ACCSL: variants seen among roughly 807,000 people sequenced by gnomAD.
The protein encoded by ACCSL is probable inactive 1-aminocyclopropane-1-carboxylate synthase-like protein 2.
A neutral mutation model predicts 61.7 loss-of-function variants in ACCSL; 55 were observed. The ratio of observed to expected loss-of-function variants is 0.89; its 90% CI spans 0.72 to 1.12. The LOEUF is 1.12. Among genes scored for constraint, ACCSL ranks in the 50% most tolerant of loss-of-function variants. ACCSL has a pLI of 0.00. For missense variants in ACCSL, 632 were observed against 698.0 expected (o/e 0.91, Z 1.07); for synonymous variants, 258 against 264.3 (o/e 0.98, Z 0.23).
chr11:44,052,683 C>T lies in ACCSL; in HGVS notation c.794C>T (p.Pro265Leu), dbSNP rs780298251. The T allele has an allele frequency of 4.3e-6, 7 of 1,614,018 alleles. No individual in the cohort carries two copies. In the African/African-American group the frequency reaches 9.3e-5, roughly 22 times the overall value. The stretch of plus-strand genomic sequence containing the variant: ...CCAGAGGCCTTCCTGGTCCCTGCTC[C>T]CTTCTATGGTGGCTTTGCCTTTAGC... Reference protein sequence around the residue: ...DPGEAFLVPAPFYGGFAFSSR... With the variant: ...DPGEAFLVPALFYGGFAFSSR... Residue 265 changes from proline (P) to leucine (L), a missense_variant, in exon 6 of 14, where the codon CCC (proline) becomes CTC (leucine). Coordinates refer to ENST00000378832, the MANE Select transcript of ACCSL (RefSeq NM_001031854.2).
At chr11:44,040,451 C>T in the ACCSL span, among the ~76,000 whole-genome samples, 1 of 152,086 alleles carries the variant, frequency 6.6e-6, no homozygotes, top group Non-Finnish European at 1.5e-5. Flanking sequence ...GCAAAGAAAG[C>T]CCACTTTAGG....
chr11:43,944,266 G>A, the ACCSL span: 1 of 165,932 alleles, frequency 6.0e-6, no homozygotes, highest in South Asian at 1.5e-4. Context: ...CTCCCTCTGC[G>A]CTGATTCCTG....
chr11:44,013,817 A>G, the ACCSL span, among the ~76,000 whole-genome samples: 36 of 152,304 alleles, frequency 2.4e-4, no homozygotes, highest in Non-Finnish European at 4.7e-4. Context: ...TTGAATGTAA[A>G]AAGTAAAAAG....
At chr11:43,942,811 C>T in the ACCSL span, 37 of 933,242 alleles carry the variant, frequency 4.0e-5, no homozygotes, top group Non-Finnish European at 4.9e-5. Context: ...CCGGCGAGCC[C>T]CCGGCTGCTG....
upstream of ACCSL, chr11:44,047,903 G>T (rs928069744): frequency 1.7e-6 from 2 of 1,178,638 alleles, no homozygotes; most frequent in Non-Finnish European, 2.4e-6. Context: ...GAGAAGAACA[G>T]ATCTGAGATC....
the ACCSL span, among the ~76,000 whole-genome samples, chr11:43,962,978 A>G: frequency 1.3e-5 from 2 of 152,140 alleles, no homozygotes; most frequent in African/African-American, 4.8e-5. Flanking sequence ...ACCACTCTGT[A>G]TTGCCTGTGT....
At chr11:43,981,429 T>C in the ACCSL span, among the ~76,000 whole-genome samples, 17,484 of 152,182 alleles carry the variant, frequency 0.11, 1,315 homozygotes, top group East Asian at 0.28. Context: ...TTGGGGTATA[T>C]GGATATGGGA....
chr11:44,010,550 A>AG, the ACCSL span, among the ~76,000 whole-genome samples: 2 of 152,144 alleles, frequency 1.3e-5, no homozygotes, highest in Non-Finnish European at 2.9e-5. Context: ...ATAACATGGA[A>AG]GAAAAAAATC....
chr11:44,015,887 C>T, the ACCSL span, among the ~76,000 whole-genome samples: 1 of 152,008 alleles, frequency 6.6e-6, no homozygotes, highest in East Asian at 1.9e-4. Flanking sequence ...GAGGAGTAAG[C>T]GAAACATAAG....
the ACCSL span, among the ~76,000 whole-genome samples, chr11:43,981,096 A>AAAACAAACAAACAAAC: frequency 5.9e-5 from 9 of 151,660 alleles, no homozygotes; most frequent in African/African-American, 1.5e-4. Context: ...ATGGGGCAGG[A>AAAACAAACAAACAAAC]AAACAAACAA....
the ACCSL span, among the ~76,000 whole-genome samples, chr11:43,957,976 A>C: frequency 6.6e-6 from 1 of 152,270 alleles, no homozygotes; most frequent in Non-Finnish European, 1.5e-5. Context: ...AAAAGATATC[A>C]GACCTAACTG....
chr11:44,051,259 C>T, intron 3 of ACCSL, 76 bp from the exon 4 acceptor site: 1 of 1,485,376 alleles, frequency 6.7e-7, no homozygotes, highest in South Asian at 1.1e-5. Context: ...CCCTGTTAGG[C>T]TGGACAATGA....
At chr11:44,011,872 TCA>T in the ACCSL span, among the ~76,000 whole-genome samples, 2 of 152,122 alleles carry the variant, frequency 1.3e-5, no homozygotes, top group Non-Finnish European at 2.9e-5. Context: ...AGGATTCTGT[TCA>T]ATTACCTATC....
chr11:43,970,186 C>T, the ACCSL span, among the ~76,000 whole-genome samples: 12 of 151,930 alleles, frequency 7.9e-5, no homozygotes, highest in African/African-American at 2.7e-4. Context: ...GAGGATCGCT[C>T]GAGTGATCCT....
chr11:44,004,193 G>A, the ACCSL span, among the ~76,000 whole-genome samples: 12 of 152,024 alleles, frequency 7.9e-5, no homozygotes, highest in South Asian at 4.2e-4. Flanking sequence ...TGAGGTGAAG[G>A]GGGGGGATGT....
the ACCSL span, among the ~76,000 whole-genome samples, chr11:43,963,250 A>C: frequency 8.1e-3 from 1,229 of 152,318 alleles, 15 homozygotes; most frequent in African/African-American, 0.028. Context: ...GGGCTATGGC[A>C]GAGATTAATA....
chr11:44,004,747 C>T, the ACCSL span, among the ~76,000 whole-genome samples: 1 of 152,182 alleles, frequency 6.6e-6, no homozygotes, highest in South Asian at 2.1e-4. Context: ...CAGTCCAAGA[C>T]CAGCAGCATT....
intron 13 of ACCSL, among the ~76,000 whole-genome samples, chr11:44,059,497 T>A (rs1952694197): frequency 2.6e-5 from 4 of 152,214 alleles, no homozygotes; most frequent in Admixed American, 2.6e-4. Flanking sequence ...TCATGAAGGT[T>A]TTTGTTACAG....
chr11:44,056,768 A>C (rs1467838528), intron 11 of ACCSL, among the ~76,000 whole-genome samples: 2 of 152,110 alleles, frequency 1.3e-5, no homozygotes, highest in Admixed American at 6.6e-5. Flanking sequence ...GGAGGCAGAG[A>C]TTGCAGTGAG....
Sources: allele counts gnomAD v4.1 joint callset (sites outside exome capture counted in the v4.1 genomes callset), GRCh38; gene constraint gnomAD v4.1.1; transcripts MANE v1.5; gene names NCBI Gene and HGNC (gene_info 2026-07-23, HGNC 2026-07-21).